The following CADM1 variants were observed in gnomAD, a reference collection of about 807,000 sequenced individuals.
The protein encoded by CADM1 is cell adhesion molecule 1, also known as TSLC-1.
A neutral mutation model predicts 53.1 loss-of-function variants in CADM1; 15 were observed. The observed-to-expected ratio is 0.28, with a 90% CI of 0.19 to 0.44. The LOEUF (loss-of-function observed/expected upper bound fraction) is 0.44. Ranked by LOEUF, CADM1 falls within the 20% of genes least tolerant of loss-of-function variation. The probability of loss-of-function intolerance (pLI) is 1.00; values close to 1 mark genes in which losing one functional copy is unlikely to be tolerated. For missense variants in CADM1, 434 were observed against 611.3 expected, an observed-to-expected ratio of 0.71 and a Z score of 3.06; for synonymous variants, 281 against 243.0, an observed-to-expected ratio of 1.16 and a Z score of -1.45.
At chr11:115,264,328 G>A (rs888034694) in intron 1 of CADM1, among the ~76,000 whole-genome samples, 1 of 152,144 alleles carries the variant, frequency 6.6e-6, no homozygotes, top group African/African-American at 2.4e-5. Flanking sequence ...TTACCAAGCA[G>A]GAGAGAACTG....
intron 1 of CADM1, among the ~76,000 whole-genome samples, chr11:115,430,209 C>T (rs1463503394): frequency 2.6e-5 from 4 of 152,196 alleles, no homozygotes; most frequent in African/African-American, 4.8e-5. Context: ...GGCTCTATAG[C>T]TTCCACATCT....
At chr11:115,384,153 C>T (rs1946643284) in intron 1 of CADM1, among the ~76,000 whole-genome samples, 1 of 152,172 alleles carries the variant, frequency 6.6e-6, no homozygotes, top group South Asian at 2.1e-4. Context: ...TTTTTAACTT[C>T]ATGGCCATTA....
At position 115,351,463 on chromosome 11, in the gene CADM1, G is replaced by GT. The variant is rs557439462; in HGVS notation, c.125-111044dup. Among the ~76,000 whole-genome samples, 84 of 152,266 alleles carry GT rather than the reference G, an allele frequency of 5.5e-4. 1 individual carries two copies. The highest frequency in any genetic ancestry group is 1.9e-3 in the African/African-American group (81 of 41,572). ...TTGGAGTCCCAGGGTACAGAATTTG[G>GT]TGTCACGATAAAAGAATAATTTTTG... is the stretch of plus-strand genomic sequence containing the variant. On this transcript the variant is annotated intron_variant, in intron 1 of 11. Transcript: ENST00000331581.
intron 1 of CADM1, among the ~76,000 whole-genome samples, chr11:115,392,114 C>G (rs1336090596): frequency 6.6e-6 from 1 of 152,112 alleles, no homozygotes; most frequent in African/African-American, 2.4e-5. Flanking sequence ...AATCCTTTCC[C>G]TAGTACTCCT....
At chr11:115,461,796 T>G (rs953431888) in intron 1 of CADM1, among the ~76,000 whole-genome samples, 3 of 152,134 alleles carry the variant, frequency 2.0e-5, no homozygotes, top group Admixed American at 6.5e-5. Context: ...GTAAGCTCTT[T>G]TTTAAACAGG....
At position 115,170,156 on chromosome 11, in the gene CADM1, T is replaced by C. The variant is rs1050199791; in HGVS notation, c.*6318A>G. On this transcript the variant is annotated 3_prime_UTR_variant, in exon 12 of 12. Transcript: ENST00000331581. ...ATTTGAGGCGGTCACGTCTGAAATA[T>C]GACTGTGAGCCTGTGCACGTCTGGA... 8 of 156,346 alleles carry C rather than the reference T, an allele frequency of 5.1e-5. No individual in the cohort carries two copies. The highest frequency in any genetic ancestry group is 8.5e-5 in the Non-Finnish European group (6 of 70,464). The allele number at this position is 156,346 out of a possible 1,614,324, so 9.7% of individuals were successfully genotyped here. A position where few individuals can be genotyped will look rare whatever the true frequency, so the allele number is the denominator to read the frequency against.
At chr11:115,255,440 G>C (rs895184492) in intron 1 of CADM1, among the ~76,000 whole-genome samples, 3 of 152,116 alleles carry the variant, frequency 2.0e-5, no homozygotes, top group Admixed American at 1.3e-4. Context: ...AAACTCACAC[G>C]AGACCTACTA....
At chr11:115,398,655 T>C (rs1202075667) in intron 1 of CADM1, among the ~76,000 whole-genome samples, 2 of 152,222 alleles carry the variant, frequency 1.3e-5, no homozygotes, top group Non-Finnish European at 2.9e-5. Flanking sequence ...TTAAATTCCA[T>C]TTTAGATTAA....
intron 1 of CADM1, among the ~76,000 whole-genome samples, chr11:115,324,683 A>G (rs1207722113): frequency 6.6e-6 from 1 of 152,212 alleles, no homozygotes; most frequent in African/African-American, 2.4e-5. Flanking sequence ...GATAAAATGT[A>G]TAAAAACTGC....
At chr11:115,382,932 G>C (rs1946613982) in intron 1 of CADM1, among the ~76,000 whole-genome samples, 1 of 152,032 alleles carries the variant, frequency 6.6e-6, no homozygotes, top group African/African-American at 2.4e-5. Context: ...TAGCAAAATA[G>C]GGAAGAAAAA....
At chr11:115,265,666 G>A (rs1344242665) in intron 1 of CADM1, among the ~76,000 whole-genome samples, 1 of 152,116 alleles carries the variant, frequency 6.6e-6, no homozygotes, top group Non-Finnish European at 1.5e-5. Context: ...CTGTATTTGG[G>A]ACCAGTAGTT....
intron 1 of CADM1, among the ~76,000 whole-genome samples, chr11:115,331,145 C>T (rs1255580086): frequency 1.3e-5 from 2 of 152,090 alleles, no homozygotes; most frequent in African/African-American, 2.4e-5. Context: ...GTAGTTACTT[C>T]TGGGGATTTG....
chr11:115,391,059 G>A (rs1834603144), intron 1 of CADM1, among the ~76,000 whole-genome samples: 1 of 152,096 alleles, frequency 6.6e-6, no homozygotes, highest in Non-Finnish European at 1.5e-5. Flanking sequence ...TCATGCAATC[G>A]ACAATTACCC....
intron 8 of CADM1, among the ~76,000 whole-genome samples, chr11:115,199,036 A>G (rs1232629443): frequency 2.6e-5 from 4 of 152,220 alleles, no homozygotes; most frequent in African/African-American, 7.2e-5. Context: ...GTTTAGCCAG[A>G]AAGTTCAATT....
At chr11:115,301,854 A>G (rs1159849519) in intron 1 of CADM1, among the ~76,000 whole-genome samples, 4 of 152,286 alleles carry the variant, frequency 2.6e-5, no homozygotes, top group Admixed American at 1.3e-4. Context: ...CAAAATGCTT[A>G]TCACAGATCA....
intron 9 of CADM1, among the ~76,000 whole-genome samples, chr11:115,193,072 C>T (rs563373731): frequency 6.6e-5 from 10 of 152,254 alleles, no homozygotes; most frequent in South Asian, 2.1e-4. Context: ...CAAGTGGGGA[C>T]GAGCAAAATT....
intron 1 of CADM1, among the ~76,000 whole-genome samples, chr11:115,358,091 C>A (rs368783377): frequency 6.6e-6 from 1 of 152,146 alleles, no homozygotes; most frequent in East Asian, 1.9e-4. Context: ...TGCAAAACAT[C>A]ACCACAATCA....
intron 1 of CADM1, among the ~76,000 whole-genome samples, chr11:115,319,769 C>T (rs1944772074): frequency 9.0e-6 from 1 of 111,108 alleles, no homozygotes; most frequent in Non-Finnish European, 1.8e-5. Flanking sequence ...TTGTTACTTC[C>T]TCTAATACAA....
In CADM1 at chr11:115,427,558, C is replaced by T. The variant is rs183481124; in HGVS notation, c.124+76713G>A. ...ACAGATAAGATGATAGATATGGGGG[C>T]AAACATAGAAGAATACAGAAGTTAG... On this transcript the variant is annotated intron_variant, in intron 1 of 11. Transcript: ENST00000331581. 2.0e-5 allele frequency among the ~76,000 whole-genome samples: 3 copies of T among 152,040 alleles called. No homozygotes were observed. The East Asian group carries it at 5.8e-4, about 29-fold the overall frequency.
Sources: gnomAD v4.1 joint callset for allele counts (sites outside exome capture counted in the v4.1 genomes callset) on GRCh38, gnomAD v4.1.1 for gene constraint, MANE v1.5 for transcripts, NCBI Gene and HGNC (gene_info 2026-07-23, HGNC 2026-07-21) for gene names.